The following PTPRN2 variants were observed in gnomAD, a reference collection of about 807,000 sequenced individuals.
The protein encoded by PTPRN2 is protein tyrosine phosphatase receptor type N2, also known as receptor-type tyrosine-protein phosphatase N2.
A neutral mutation model predicts 118.8 loss-of-function variants in PTPRN2; 74 were observed. That is an observed-to-expected ratio of 0.62 (90% CI 0.52 to 0.76). The LOEUF is 0.76. Ranked by LOEUF, PTPRN2 falls within the 30% of genes least tolerant of loss-of-function variation. The pLI is 0.00. For missense variants in PTPRN2, 1,481 were observed against 1,394.4 expected, an observed-to-expected ratio of 1.06 and a Z score of -0.99; for synonymous variants, 641 against 608.0, an observed-to-expected ratio of 1.05 and a Z score of -0.80.
At chr7:158,031,263 T>A (rs1264233655) in intron 11 of PTPRN2, 1 of 152,210 alleles carries the variant, frequency 6.6e-6, no homozygotes, top group Non-Finnish European at 1.5e-5. Flanking sequence ...GATGGAGACA[T>A]CAATGGTGAG....
At chr7:158,516,888 C>T (rs1205542960) in intron 1 of PTPRN2, among the ~76,000 whole-genome samples, 3 of 152,122 alleles carry the variant, frequency 2.0e-5, no homozygotes, top group Non-Finnish European at 4.4e-5. Flanking sequence ...GTGCTTCTGC[C>T]TATTGTTCCT....
intron 6 of PTPRN2, among the ~76,000 whole-genome samples, chr7:158,154,749 TA>T (rs11354795): frequency 0.013 from 1,192 of 91,018 alleles, 20 homozygotes; most frequent in African/African-American, 0.033. Context: ...AAAATAACTT[TA>T]AAAAAAATCA....
At position 157,584,447 on chromosome 7, in the gene PTPRN2, A is replaced by G. The variant is rs922796423; in HGVS notation, c.2497-6307T>C. Among the ~76,000 whole-genome samples the G allele has an allele frequency of 2.0e-5, 3 of 152,264 alleles. No individual in the cohort carries two copies. In the East Asian group the frequency reaches 5.8e-4, roughly 29 times the overall value. On this transcript the variant is annotated intron_variant, in intron 17 of 22. Transcript: ENST00000389418. ...TTTATGTAAAAAAAAAGATAACCGA[A>G]AGAAAATGTTATCAAAGGCTTGCAT...
intron 2 of PTPRN2, among the ~76,000 whole-genome samples, chr7:158,479,246 G>A (rs1820485953): frequency 6.6e-6 from 1 of 151,928 alleles, no homozygotes; most frequent in African/African-American, 2.4e-5. Flanking sequence ...TGGCACAGGA[G>A]GTACTCAGCC....
At chr7:158,219,898 C>A (rs1360123660) in intron 3 of PTPRN2, among the ~76,000 whole-genome samples, 1 of 151,518 alleles carries the variant, frequency 6.6e-6, no homozygotes, top group African/African-American at 2.4e-5. Context: ...AACCTACCAA[C>A]CAAAAAAGCC....
At chr7:158,215,245 T>C (rs188297701) in intron 3 of PTPRN2, among the ~76,000 whole-genome samples, 5 of 152,062 alleles carry the variant, frequency 3.3e-5, no homozygotes, top group African/African-American at 1.2e-4. Context: ...TGGATGCACA[T>C]AACAGAAGGA....
chr7:157,624,252 C>T (rs781053043), intron 14 of PTPRN2, among the ~76,000 whole-genome samples: 4 of 152,128 alleles, frequency 2.6e-5, no homozygotes, highest in Admixed American at 2.0e-4. Flanking sequence ...GAAACCTTGT[C>T]TCTACTAAAA....
intron 12 of PTPRN2, among the ~76,000 whole-genome samples, chr7:157,776,260 TC>T (rs1427544255): frequency 7.7e-4 from 100 of 130,702 alleles, no homozygotes; most frequent in African/African-American, 1.2e-3. Flanking sequence ...CCTCTCCTCC[TC>T]CCTCCTCTTC....
At chr7:157,563,126 A>G (rs1175536504) in intron 21 of PTPRN2, among the ~76,000 whole-genome samples, 1 of 86,360 alleles carries the variant, frequency 1.2e-5, no homozygotes. Context: ...ACGTGCTCCC[A>G]CGTCACCACA....
At chr7:157,696,539 C>T (rs1797784234) in intron 12 of PTPRN2, among the ~76,000 whole-genome samples, 1 of 140,798 alleles carries the variant, frequency 7.1e-6, no homozygotes, top group Non-Finnish European at 1.5e-5. Flanking sequence ...GAGCCCTCAC[C>T]ATCTACCCAT....
chr7:158,175,826 G>A (rs892832695), intron 5 of PTPRN2, among the ~76,000 whole-genome samples: 1 of 152,156 alleles, frequency 6.6e-6, no homozygotes, highest in African/African-American at 2.4e-5. Flanking sequence ...GTGCCAATGT[G>A]AACTCCTGGA....
At position 157,933,853 on chromosome 7, in the gene PTPRN2, A is replaced by G. The variant is rs35400950; in HGVS notation, c.1724-35116T>C. Among the ~76,000 whole-genome samples, 66 of 95,678 alleles carry G rather than the reference A, an allele frequency of 6.9e-4. 2 individuals are homozygous for G. Among genetic ancestry groups the G allele is most frequent in the Non-Finnish European group, 9.6e-4 (40 of 41,666 alleles). The allele number at this position is 95,678 out of a possible 152,430, so 62.8% of individuals were successfully genotyped here. On this transcript the variant is annotated intron_variant, in intron 11 of 22. Coordinates refer to ENST00000389418, the MANE Select transcript of PTPRN2 (RefSeq NM_002847.5). Reference sequence around the variant, plus strand: ...CACTCTGATTGACAGTTTTAGAGGAAGGATGAGTCACTCTGATTGACAGTT... The same window carrying G: ...CACTCTGATTGACAGTTTTAGAGGAGGGATGAGTCACTCTGATTGACAGTT...
chr7:157,780,392 T>C lies in PTPRN2; in HGVS notation c.1789-97455A>G, dbSNP rs1432506917. Reference sequence around the variant, plus strand: ...GTCAGTTTATATAAGGGGTGGCGGCTGCTCAGCGAGGCCTCAGGAGTGTGA... The same window carrying C: ...GTCAGTTTATATAAGGGGTGGCGGCCGCTCAGCGAGGCCTCAGGAGTGTGA... On this transcript the variant is annotated intron_variant, in intron 12 of 22. Coordinates refer to ENST00000389418, the MANE Select transcript of PTPRN2 (RefSeq NM_002847.5). The surrounding 1 kb of genome is among the most constrained non-coding windows in gnomAD (Gnocchi z 4.5). 2.6e-5 allele frequency among the ~76,000 whole-genome samples: 4 copies of C among 152,214 alleles called. No individual in the cohort carries two copies. The highest frequency in any genetic ancestry group is 9.6e-5 in the African/African-American group (4 of 41,458).
At chr7:158,508,560 G>A (rs1286069514) in intron 1 of PTPRN2, among the ~76,000 whole-genome samples, 1 of 151,960 alleles carries the variant, frequency 6.6e-6, no homozygotes. Flanking sequence ...GTGGGGAGCT[G>A]GAGAGGAGCA....
At chr7:158,146,744 A>G (rs553435731) in intron 6 of PTPRN2, among the ~76,000 whole-genome samples, 182 of 151,730 alleles carry the variant, frequency 1.2e-3, no homozygotes, top group African/African-American at 4.3e-3. Context: ...AAGAAAGAAA[A>G]AAGAAACAAT....
chr7:157,852,766 G>A (rs1337144877), intron 12 of PTPRN2, among the ~76,000 whole-genome samples: 1 of 151,512 alleles, frequency 6.6e-6, no homozygotes, highest in East Asian at 2.0e-4. Context: ...CTACTCGGGA[G>A]GCTGAGGCAG....
chr7:158,104,737 C>CCTCA (rs1815527157), intron 10 of PTPRN2, among the ~76,000 whole-genome samples: 1 of 147,720 alleles, frequency 6.8e-6, no homozygotes, highest in Non-Finnish European at 1.5e-5. Flanking sequence ...CCAGCTCCAT[C>CCTCA]CTCAGCTCCT....
At chr7:157,984,944 G>A (rs1803659859) in intron 11 of PTPRN2, among the ~76,000 whole-genome samples, 1 of 151,930 alleles carries the variant, frequency 6.6e-6, no homozygotes, top group African/African-American at 2.4e-5. Context: ...TCCCCACCCC[G>A]TGCTGCTCCC....
intron 12 of PTPRN2, among the ~76,000 whole-genome samples, chr7:157,701,950 G>T (rs1365663273): frequency 6.9e-6 from 1 of 144,178 alleles, no homozygotes; most frequent in Non-Finnish European, 1.5e-5. Flanking sequence ...AGCCCGGTCG[G>T]TGCTGGTGTA....
Sources: allele counts gnomAD v4.1 joint callset (sites outside exome capture counted in the v4.1 genomes callset), GRCh38; gene constraint gnomAD v4.1.1; non-coding constraint Gnocchi (gnomAD v3.1); transcripts MANE v1.5; gene names NCBI Gene and HGNC (gene_info 2026-07-23, HGNC 2026-07-21).